RALB: variants seen among roughly 807,000 people sequenced by gnomAD.
RALB encodes ras-related protein Ral-B.
In RALB, 16 loss-of-function variants were observed where a neutral mutation model predicts 21.3. The observed-to-expected ratio is 0.75, with a 90% CI of 0.51 to 1.14. RALB has a LOEUF of 1.14. Among genes scored for constraint, RALB ranks in the 50% most tolerant of loss-of-function variants. The pLI, the probability that RALB is intolerant of heterozygous loss-of-function variation, is 0.00. For missense variants in RALB, 161 were observed against 256.2 expected (o/e 0.63, Z 2.54); for synonymous variants, 93 against 96.1 (o/e 0.97, Z 0.19).
intron 4 of RALB, among the ~76,000 whole-genome samples, chr2:120,292,522 C>A (rs1449836958): frequency 6.6e-6 from 1 of 152,158 alleles, no homozygotes; most frequent in African/African-American, 2.4e-5. Context: ...CTTCCCTTCC[C>A]TGGTGGTTGG....
chr2:120,268,757 TA>T (rs1242745404), intron 1 of RALB, among the ~76,000 whole-genome samples: 1 of 152,186 alleles, frequency 6.6e-6, no homozygotes, highest in Non-Finnish European at 1.5e-5. Flanking sequence ...AGTATGTGTT[TA>T]AAAAACTTTT....
At chr2:120,264,776 C>T (rs565643491) in intron 1 of RALB, among the ~76,000 whole-genome samples, 1 of 152,318 alleles carries the variant, frequency 6.6e-6, no homozygotes, top group African/African-American at 2.4e-5. Context: ...TTCCCCCACC[C>T]CCTGGCAGCC....
Position 120,293,393 on chromosome 2 carries a change from G to GA in RALB, c.*133_*134insA, listed in dbSNP as rs1282356644. 1.6e-5 allele frequency: 16 copies of GA among 1,002,472 alleles called. No homozygotes were observed. The highest frequency in any genetic ancestry group is 2.2e-5 in the Non-Finnish European group (16 of 740,792). The allele number at this position is 1,002,472 out of a possible 1,614,324, so 62.1% of individuals were successfully genotyped here. A position where few individuals can be genotyped will look rare whatever the true frequency, so the allele number is the denominator to read the frequency against. Reference sequence around the variant, plus strand: ...TCATTCACTCAAACTTCTTTAAATGGGGAAAAATATTTGTGACTCTGTGGC... The same window carrying GA: ...TCATTCACTCAAACTTCTTTAAATGGAGGAAAAATATTTGTGACTCTGTGGC... On this transcript the variant is annotated 3_prime_UTR_variant, in exon 5 of 5. Transcript: ENST00000272519.
At chr2:120,241,130 TCATGCAC>T (rs1688888503) in intron 1 of RALB, among the ~76,000 whole-genome samples, 1 of 152,044 alleles carries the variant, frequency 6.6e-6, no homozygotes, top group African/African-American at 2.4e-5. Flanking sequence ...GTGGCGAAAA[TCATGCAC>T]CATGTGTCTG....
chr2:120,261,104 A>G (rs375794579), intron 1 of RALB, among the ~76,000 whole-genome samples: 4 of 152,194 alleles, frequency 2.6e-5, no homozygotes, highest in African/African-American at 9.6e-5. Flanking sequence ...TTTGAGAAGC[A>G]TTAGCACAGA....
chr2:120,282,482 A>C (rs1456831585), intron 2 of RALB, among the ~76,000 whole-genome samples: 1 of 147,156 alleles, frequency 6.8e-6, no homozygotes, highest in African/African-American at 2.5e-5. Flanking sequence ...CCATCTCAAA[A>C]AAAAAAAGAT....
intron 1 of RALB, among the ~76,000 whole-genome samples, chr2:120,254,650 AT>A (rs1573321630): frequency 6.6e-6 from 1 of 150,824 alleles, no homozygotes; most frequent in Non-Finnish European, 1.5e-5. Context: ...TCCATGAAAA[AT>A]TTTAAGCCTG....
upstream of RALB, among the ~76,000 whole-genome samples, chr2:120,247,866 GA>G (rs1480794353): frequency 6.6e-6 from 1 of 152,178 alleles, no homozygotes; most frequent in Non-Finnish European, 1.5e-5. Flanking sequence ...GTGAATTAAA[GA>G]TCTTAGGTCC....
At chr2:120,283,169 A>G (rs1012115318) in intron 2 of RALB, among the ~76,000 whole-genome samples, 3 of 152,210 alleles carry the variant, frequency 2.0e-5, no homozygotes, top group Admixed American at 6.5e-5. Flanking sequence ...CTCTGTGTTC[A>G]GGGAGGCCGG....
chr2:120,252,944 C>G lies in RALB; in HGVS notation c.-84C>G. ...CGGGGCGCGTTTAAGAGCTGCGGGC[C>G]GGGTGCGGACGGCGGAGGCGGCGGG... On this transcript the variant is annotated 5_prime_UTR_variant, in exon 1 of 5. Coordinates refer to ENST00000272519, the MANE Select transcript of RALB (RefSeq NM_002881.3). 1.0e-6 allele frequency: 1 copy of G among 985,600 alleles called. No individual in the cohort carries two copies. Among genetic ancestry groups the G allele is most frequent in the Non-Finnish European group, 1.2e-6 (1 of 830,300 alleles). The allele number at this position is 985,600 out of a possible 1,614,324, so 61.1% of individuals were successfully genotyped here. A position where few individuals can be genotyped will look rare whatever the true frequency, so the allele number is the denominator to read the frequency against.
intron 1 of RALB, among the ~76,000 whole-genome samples, chr2:120,277,973 GAAT>G (rs1306934497): frequency 6.0e-4 from 91 of 151,160 alleles, no homozygotes; most frequent in Middle Eastern, 3.4e-3. Flanking sequence ...GAATGTGTGT[GAAT>G]AAGAGCATGT....
chr2:120,286,595 G>A (rs1690164555), intron 3 of RALB, among the ~76,000 whole-genome samples: 1 of 152,214 alleles, frequency 6.6e-6, no homozygotes, highest in Non-Finnish European at 1.5e-5. Context: ...AGGAGACCTG[G>A]TTTGAATCCC....
intron 1 of RALB, among the ~76,000 whole-genome samples, chr2:120,254,955 G>A (rs1689161033): frequency 6.6e-6 from 1 of 152,222 alleles, no homozygotes; most frequent in Non-Finnish European, 1.5e-5. Context: ...GGGATCACAG[G>A]TGTGAGCCAC....
intron 1 of RALB, among the ~76,000 whole-genome samples, chr2:120,241,358 G>T (rs567655655): frequency 6.6e-6 from 1 of 152,338 alleles, no homozygotes; most frequent in South Asian, 2.1e-4. Context: ...CCTGCTATGA[G>T]CGGGGCTCGA....
chr2:120,272,783 C>A (rs10196024), intron 1 of RALB, among the ~76,000 whole-genome samples: 6,850 of 152,164 alleles, frequency 0.045, 552 homozygotes, highest in African/African-American at 0.16. Flanking sequence ...AGGAAATTTC[C>A]CCTGACCTTC....
At chr2:120,277,718 C>T (rs545955351) in intron 1 of RALB, among the ~76,000 whole-genome samples, 4 of 150,592 alleles carry the variant, frequency 2.7e-5, no homozygotes, top group South Asian at 2.1e-4. Flanking sequence ...TGTGATAGTG[C>T]GTGTGTGATA....
chr2:120,245,510 T>C (rs1157978648), intron 1 of RALB, among the ~76,000 whole-genome samples: 2 of 152,152 alleles, frequency 1.3e-5, no homozygotes, highest in Admixed American at 6.5e-5. Flanking sequence ...CTCTTCTACC[T>C]GTCTGGGGTC....
chr2:120,271,323 T>TA (rs746546890), intron 1 of RALB, among the ~76,000 whole-genome samples: 40 of 152,370 alleles, frequency 2.6e-4, no homozygotes, highest in Non-Finnish European at 3.4e-4. Context: ...TAGAGAGCCC[T>TA]ATCTAATATT....
At chr2:120,258,514 C>G (rs1186814923) in intron 1 of RALB, among the ~76,000 whole-genome samples, 1 of 152,178 alleles carries the variant, frequency 6.6e-6, no homozygotes, top group Non-Finnish European at 1.5e-5. Context: ...AGCTGCCGCT[C>G]ATGGTGAGCC....
Sources: allele counts gnomAD v4.1 joint callset (sites outside exome capture counted in the v4.1 genomes callset), GRCh38; gene constraint gnomAD v4.1.1; transcripts MANE v1.5; gene names NCBI Gene and HGNC (gene_info 2026-07-23, HGNC 2026-07-21).